The following RUNX1 variants were observed in gnomAD, a reference collection of about 807,000 sequenced individuals.
RUNX1 encodes the protein runt-related transcription factor 1.
RUNX1 carries 19 observed loss-of-function variants against 42.8 expected under a neutral mutation model. The observed-to-expected ratio is 0.44, with a 90% CI of 0.31 to 0.65. RUNX1 has a LOEUF of 0.65. Ranked by LOEUF, RUNX1 falls within the 30% of genes least tolerant of loss-of-function variation. The pLI is 0.07. For missense variants in RUNX1, 528 were observed against 672.0 expected, an observed-to-expected ratio of 0.79 and a Z score of 2.37; for synonymous variants, 271 against 289.4, an observed-to-expected ratio of 0.94 and a Z score of 0.64.
chr21:34,852,051 C>T (rs1289603716), intron 6 of RUNX1, among the ~76,000 whole-genome samples: 6 of 152,116 alleles, frequency 3.9e-5, no homozygotes, highest in Admixed American at 3.3e-4. Context: ...ACCTGTAGTC[C>T]CAGCTACTCG....
chr21:34,835,570 T>A (rs2057134428), intron 6 of RUNX1, among the ~76,000 whole-genome samples: 3 of 152,224 alleles, frequency 2.0e-5, no homozygotes, highest in Non-Finnish European at 2.9e-5. Flanking sequence ...CAAAATGTCC[T>A]TAAACCAGAG....
intron 6 of RUNX1, among the ~76,000 whole-genome samples, chr21:34,841,057 C>G (rs2057227606): frequency 6.6e-6 from 1 of 152,232 alleles, no homozygotes; most frequent in Admixed American, 6.5e-5. Context: ...CTGCGGAACA[C>G]TCATCCAGGC....
intron 2 of RUNX1, among the ~76,000 whole-genome samples, chr21:35,016,503 A>G (rs2146929864): frequency 6.6e-6 from 1 of 152,320 alleles, no homozygotes; most frequent in Non-Finnish European, 1.5e-5. Flanking sequence ...GGGTCCTAAG[A>G]TGAGGGACTG....
At chr21:35,042,034 C>G (rs181612565) in intron 2 of RUNX1, among the ~76,000 whole-genome samples, 2 of 152,082 alleles carry the variant, frequency 1.3e-5, no homozygotes, top group African/African-American at 4.8e-5. Context: ...TGCGAGAAAC[C>G]GATCAACCTC....
At chr21:34,974,422 T>A (rs1041961402) in intron 2 of RUNX1, among the ~76,000 whole-genome samples, 1 of 149,834 alleles carries the variant, frequency 6.7e-6, no homozygotes, top group Non-Finnish European at 1.5e-5. Flanking sequence ...GGTGGTTCAG[T>A]GTGGTTTTTA....
intron 2 of RUNX1, among the ~76,000 whole-genome samples, chr21:34,984,917 C>T (rs765318864): frequency 9.9e-5 from 15 of 152,088 alleles, no homozygotes; most frequent in Non-Finnish European, 2.1e-4. Context: ...CAGGATCTTC[C>T]CAGAGGACAG....
At chr21:34,795,942 C>T (rs1160523441) in intron 8 of RUNX1, among the ~76,000 whole-genome samples, 1 of 152,212 alleles carries the variant, frequency 6.6e-6, no homozygotes, top group Non-Finnish European at 1.5e-5. Flanking sequence ...CATTATTCCT[C>T]TTGCTTCATT....
chr21:34,891,167 C>T (rs2058077079), intron 3 of RUNX1, among the ~76,000 whole-genome samples: 1 of 152,236 alleles, frequency 6.6e-6, no homozygotes, highest in Non-Finnish European at 1.5e-5. Flanking sequence ...AGTCAAGTTC[C>T]TTTATCGAGT....
chr21:34,884,549 T>C (rs948039296), intron 4 of RUNX1, among the ~76,000 whole-genome samples: 4 of 152,186 alleles, frequency 2.6e-5, no homozygotes, highest in Non-Finnish European at 4.4e-5. Context: ...TGTGAGGTGG[T>C]TGGGTGGGCA....
chr21:34,878,055 T>C (rs529307936), intron 5 of RUNX1, among the ~76,000 whole-genome samples: 11 of 151,690 alleles, frequency 7.3e-5, no homozygotes, highest in Non-Finnish European at 1.3e-4. Context: ...TGTCTTAAGA[T>C]CACTTAATAA....
At chr21:35,033,703 T>C (rs1012744836) in intron 2 of RUNX1, among the ~76,000 whole-genome samples, 43 of 152,294 alleles carry the variant, frequency 2.8e-4, no homozygotes, top group African/African-American at 1.0e-3. Flanking sequence ...AAACTAAATA[T>C]GCATTGGGAT....
At chr21:35,044,625 C>G (rs2059383493) in intron 2 of RUNX1, among the ~76,000 whole-genome samples, 1 of 152,192 alleles carries the variant, frequency 6.6e-6, no homozygotes, top group Admixed American at 6.5e-5. Flanking sequence ...ATTCCCTGCA[C>G]AGACCTCCTG....
chr21:34,932,650 C>T (rs2146601415), intron 2 of RUNX1, among the ~76,000 whole-genome samples: 1 of 152,268 alleles, frequency 6.6e-6, no homozygotes, highest in South Asian at 2.1e-4. Context: ...TATTATACCC[C>T]TTCTACTGAG....
chr21:34,795,506 G>A (rs2056514964), intron 8 of RUNX1, among the ~76,000 whole-genome samples: 1 of 152,212 alleles, frequency 6.6e-6, no homozygotes, highest in African/African-American at 2.4e-5. Context: ...AACAGCCCAA[G>A]TCTGTAGCAG....
Position 34,791,395 on chromosome 21 carries a change from T to A in RUNX1, c.*740A>T, listed in dbSNP as rs964456121. ...AATATCTGGGGATTCCTTGTGGGAA[T>A]ACAGTAGTTAAAAATGACCCAAAGC... On this transcript the variant is annotated 3_prime_UTR_variant, in exon 9 of 9. Transcript: ENST00000675419. 5 of 231,946 alleles carry A rather than the reference T, an allele frequency of 2.2e-5. No homozygotes were observed. The highest frequency in any genetic ancestry group is 3.4e-5 in the Non-Finnish European group (4 of 117,366). 14.4% of individuals were successfully genotyped at this position (231,946 alleles called of 1,614,324 possible). A position where few individuals can be genotyped will look rare whatever the true frequency, so the allele number is the denominator to read the frequency against.
chr21:34,871,724 T>G (rs528448587), intron 5 of RUNX1, among the ~76,000 whole-genome samples: 1 of 152,166 alleles, frequency 6.6e-6, no homozygotes, highest in East Asian at 1.9e-4. Flanking sequence ...CCCACAAACC[T>G]TGGTCCTGTC....
rs189347558 is a variant in RUNX1, at chr21:35,037,689, T to C, written c.58+11153A>G. On this transcript the variant is annotated intron_variant, in intron 2 of 8. Transcript: ENST00000675419. ...TCACGTAACCTTGGCAGGCCATGCT[T>C]CCCCTTCACTCAGTGGGATTAATAA... Among the ~76,000 whole-genome samples the C allele has an allele frequency of 1.5e-3, 234 of 152,234 alleles. 3 individuals carry two copies. Among genetic ancestry groups the C allele is most frequent in the African/African-American group, 5.4e-3 (225 of 41,512 alleles).
chr21:34,849,035 C>A (rs1032446368), intron 6 of RUNX1, among the ~76,000 whole-genome samples: 8 of 150,448 alleles, frequency 5.3e-5, no homozygotes, highest in African/African-American at 2.0e-4. Flanking sequence ...ATCAAATGTT[C>A]GACATTTCAG....
intron 2 of RUNX1, among the ~76,000 whole-genome samples, chr21:35,034,707 T>A (rs1283091002): frequency 6.6e-6 from 1 of 152,172 alleles, no homozygotes. Flanking sequence ...CAACAGAGAA[T>A]GATTCGGTTG....
Sources: allele counts gnomAD v4.1 joint callset (sites outside exome capture counted in the v4.1 genomes callset), GRCh38; gene constraint gnomAD v4.1.1; transcripts MANE v1.5; gene names NCBI Gene and HGNC (gene_info 2026-07-23, HGNC 2026-07-21).